Variants in PTPRD observed in about 807,000 individuals in gnomAD.
The protein encoded by PTPRD is protein tyrosine phosphatase receptor type D.
PTPRD carries 34 observed loss-of-function variants against 214.5 expected under a neutral mutation model. The observed-to-expected ratio is 0.16, with a 90% CI of 0.12 to 0.21. The LOEUF is 0.21. Ranked by LOEUF, PTPRD falls within the 10% of genes least tolerant of loss-of-function variation. The pLI is 1.00. For synonymous variants in PTPRD, 1,128 were observed against 845.7 expected (o/e 1.33, Z -5.79); for missense variants, 2,545 against 2,398.7 (o/e 1.06, Z -1.27).
intron 11 of PTPRD, among the ~76,000 whole-genome samples, chr9:8,786,772 G>A (rs956960608): frequency 6.6e-6 from 1 of 151,786 alleles, no homozygotes; most frequent in Non-Finnish European, 1.5e-5. Context: ...GGGGGCGGGG[G>A]GCGAGGGGTG....
At position 9,103,343 on chromosome 9, in the gene PTPRD, C is replaced by T. The variant is rs187405642; in HGVS notation, c.-143+79961G>A. 1.6e-4 allele frequency among the ~76,000 whole-genome samples: 24 copies of T among 151,872 alleles called. 1 individual carries two copies. In the East Asian group the frequency reaches 2.9e-3, roughly 18 times the overall value. On this transcript the variant is annotated intron_variant, in intron 10 of 45. Coordinates refer to ENST00000381196, the MANE Select transcript of PTPRD (RefSeq NM_002839.4). ...CAACTTTACAGACAGCATAATGATA[C>T]TTTATAAATGTCTCAAGCCAAATGT...
At chr9:8,328,395 C>G (rs1473078135) in intron 44 of PTPRD, among the ~76,000 whole-genome samples, 1 of 152,204 alleles carries the variant, frequency 6.6e-6, no homozygotes, top group Non-Finnish European at 1.5e-5. Context: ...TGCTGTTAGT[C>G]TGATGTGCTT....
chr9:8,929,793 G>GTGTATATATA (rs2098934960), intron 11 of PTPRD, among the ~76,000 whole-genome samples: 5 of 66,786 alleles, frequency 7.5e-5, no homozygotes, highest in African/African-American at 3.4e-4. Context: ...GTGTATATAT[G>GTGTATATATA]TGTGTGTATA....
chr9:8,750,666 A>G (rs1001016153), intron 11 of PTPRD, among the ~76,000 whole-genome samples: 5 of 152,194 alleles, frequency 3.3e-5, no homozygotes, highest in African/African-American at 9.7e-5. Context: ...GAAGGCACAG[A>G]CTGCCCAGGG....
At chr9:9,104,657 T>C (rs544758516) in intron 10 of PTPRD, among the ~76,000 whole-genome samples, 1 of 152,206 alleles carries the variant, frequency 6.6e-6, no homozygotes, top group Non-Finnish European at 1.5e-5. Flanking sequence ...AGATAAGTTC[T>C]CATGATGAAT....
intron 4 of PTPRD, among the ~76,000 whole-genome samples, chr9:10,024,861 A>G (rs1401138288): frequency 7.1e-6 from 1 of 139,932 alleles, no homozygotes; most frequent in Non-Finnish European, 1.5e-5. Flanking sequence ...ATTCCCACCT[A>G]TGAGTGAGAA....
At chr9:10,473,358 T>C (rs1279696822) in intron 2 of PTPRD, among the ~76,000 whole-genome samples, 2 of 152,098 alleles carry the variant, frequency 1.3e-5, no homozygotes, top group African/African-American at 2.4e-5. Flanking sequence ...AAAGCCACCA[T>C]AGTTATGGTT....
intron 3 of PTPRD, among the ~76,000 whole-genome samples, chr9:10,319,113 G>A (rs1370155590): frequency 6.6e-6 from 1 of 152,098 alleles, no homozygotes; most frequent in Non-Finnish European, 1.5e-5. Flanking sequence ...CGCACACTGT[G>A]TCTATTGGCA....
intron 4 of PTPRD, among the ~76,000 whole-genome samples, chr9:10,016,520 G>C (rs1028202339): frequency 6.6e-6 from 1 of 152,120 alleles, no homozygotes; most frequent in Admixed American, 6.5e-5. Flanking sequence ...GAACAGAATA[G>C]TCTCAAAGCA....
intron 3 of PTPRD, among the ~76,000 whole-genome samples, chr9:10,207,508 T>A (rs1244904727): frequency 6.6e-6 from 1 of 152,044 alleles, no homozygotes; most frequent in Non-Finnish European, 1.5e-5. Flanking sequence ...AGAACTGGTA[T>A]TAATTCTTTC....
chr9:9,903,169 A>G lies in PTPRD; in HGVS notation c.-368+35338T>C, dbSNP rs577480757. On this transcript the variant is annotated intron_variant, in intron 5 of 45. Coordinates refer to ENST00000381196, the MANE Select transcript of PTPRD (RefSeq NM_002839.4). ...TGAATCAAATAATTTTCTTCCAATG[A>G]TTATATATCTTGCATAGCAGAAAGA... is the stretch of plus-strand genomic sequence containing the variant. Among the ~76,000 whole-genome samples the G allele has an allele frequency of 9.9e-5, 15 of 152,270 alleles. No homozygotes were observed. The South Asian group carries it at 2.9e-3, about 29-fold the overall frequency.
rs565219550 is a variant in PTPRD, at chr9:8,492,807, C to G, written c.2467+55G>C. On this transcript the variant is annotated intron_variant, in intron 27 of 45. Transcript: ENST00000381196. ...AAAGCCTGCTAGAAGCTACCTATAC[C>G]ATTTAAAAAGTTAGTATTACTGTTC... 7.0e-5 allele frequency: 91 copies of G among 1,292,910 alleles called. No individual in the cohort carries two copies. In the African/African-American group the frequency reaches 1.3e-3, roughly 19 times the overall value. The allele number at this position is 1,292,910 out of a possible 1,614,324, so 80.1% of individuals were successfully genotyped here.
intron 2 of PTPRD, among the ~76,000 whole-genome samples, chr9:10,468,775 T>C (rs76094414): frequency 0.02 from 2,978 of 152,238 alleles, 83 homozygotes; most frequent in South Asian, 0.058. Context: ...TTTATGCATA[T>C]ATAAGGTATT....
intron 14 of PTPRD, among the ~76,000 whole-genome samples, chr9:8,545,279 A>G (rs1394715088): frequency 6.6e-6 from 1 of 152,198 alleles, no homozygotes; most frequent in African/African-American, 2.4e-5. Context: ...TTGTTTGTTC[A>G]GACATACAGG....
At chr9:10,422,411 T>C (rs1443538212) in intron 2 of PTPRD, among the ~76,000 whole-genome samples, 1 of 152,018 alleles carries the variant, frequency 6.6e-6, no homozygotes, top group Non-Finnish European at 1.5e-5. Context: ...AAGGTCTTCA[T>C]GACTAAAACA....
chr9:8,403,727 A>C (rs2092687672), intron 36 of PTPRD, among the ~76,000 whole-genome samples: 1 of 152,242 alleles, frequency 6.6e-6, no homozygotes, highest in Non-Finnish European at 1.5e-5. Context: ...ATTACCAAGC[A>C]GTCCACAAAT....
At chr9:9,266,733 G>C (rs536206205) in intron 9 of PTPRD, among the ~76,000 whole-genome samples, 5 of 150,894 alleles carry the variant, frequency 3.3e-5, no homozygotes, top group African/African-American at 1.2e-4. Context: ...GTATCAAAAA[G>C]GAATTTAAAA....
At chr9:9,520,477 A>G (rs1401162274) in intron 8 of PTPRD, among the ~76,000 whole-genome samples, 2 of 152,002 alleles carry the variant, frequency 1.3e-5, no homozygotes, top group South Asian at 2.1e-4. Flanking sequence ...CATTTAATTT[A>G]CACATTCCCA....
intron 35 of PTPRD, among the ~76,000 whole-genome samples, chr9:8,409,845 A>G (rs1423032386): frequency 6.6e-6 from 1 of 152,206 alleles, no homozygotes; most frequent in African/African-American, 2.4e-5. Flanking sequence ...ATATAGAAGG[A>G]ATAGACCAGT....
Sources: allele counts gnomAD v4.1 joint callset (sites outside exome capture counted in the v4.1 genomes callset), GRCh38; gene constraint gnomAD v4.1.1; transcripts MANE v1.5; gene names NCBI Gene and HGNC (gene_info 2026-07-23, HGNC 2026-07-21).